Variants in IKBKB-DT observed in about 807,000 individuals in gnomAD.
The protein encoded by IKBKB-DT is IKBKB divergent transcript.
rs773177896 is a variant in IKBKB-DT at position 42,241,224 on chromosome 8, C to CTTTTTTTTTTTT, written n.1530-7377_1530-7366dup. Among the ~76,000 whole-genome samples, 102 of 45,690 alleles carry CTTTTTTTTTTTT rather than the reference C, an allele frequency of 2.2e-3. 38 individuals carry two copies. Among genetic ancestry groups the CTTTTTTTTTTTT allele is most frequent in the East Asian group, 8.9e-3 (6 of 674 alleles). The allele number at this position is 45,690 out of a possible 152,430, so 30.0% of individuals were successfully genotyped here. On this transcript the variant is annotated intron_variant and non_coding_transcript_variant, in intron 3 of 3. Coordinates refer to ENST00000518213, the Ensembl canonical transcript of IKBKB-DT. ...TTGATGCCTTTAGATATGTTGGAATCTTTTTTTTTTTTTTTTTTTTTTTTT... is the reference window on the plus strand; with the variant it reads ...TTGATGCCTTTAGATATGTTGGAATCTTTTTTTTTTTTTTTTTTTTTTTTTTTTTTTTTTTTT...
Position 42,271,057 on chromosome 8 carries a change from A to C in IKBKB-DT, n.197T>G, listed in dbSNP as rs1807614726. 3 of 266,436 alleles carry C rather than the reference A, an allele frequency of 1.1e-5. No homozygotes were observed. The South Asian group carries it at 1.2e-4, about 11-fold the overall frequency. 16.5% of individuals were successfully genotyped at this position (266,436 alleles called of 1,614,324 possible). A position where few individuals can be genotyped will look rare whatever the true frequency, so the allele number is the denominator to read the frequency against. ...CATACCCGGGCCCAGAAACCGCTCC[A>C]GGTGGAAGTAACTTGTCTAAAGAGA... On this transcript the variant is annotated non_coding_transcript_exon_variant, in exon 1 of 4. Coordinates refer to ENST00000518213, the Ensembl canonical transcript of IKBKB-DT.
At chr8:42,236,067 A>G (rs1216847256) in intron 3 of IKBKB-DT, among the ~76,000 whole-genome samples, 2 of 152,144 alleles carry the variant, frequency 1.3e-5, no homozygotes, top group African/African-American at 4.8e-5. Flanking sequence ...TAGAATTATG[A>G]CTGATAACAT....
exon 1 of IKBKB-DT, chr8:42,271,030 C>A: frequency 4.2e-6 from 1 of 237,930 alleles, no homozygotes; most frequent in Non-Finnish European, 8.4e-6. Flanking sequence ...TGAAGAAATC[C>A]CCATACCCGG....
chr8:42,240,715 G>C (rs1320487572), intron 3 of IKBKB-DT, among the ~76,000 whole-genome samples: 1 of 149,126 alleles, frequency 6.7e-6, no homozygotes, highest in Non-Finnish European at 1.5e-5. Flanking sequence ...TGTGGCTCAT[G>C]CCTGTAATCC....
intron 3 of IKBKB-DT, among the ~76,000 whole-genome samples, chr8:42,257,609 T>C (rs930463106): frequency 1.3e-5 from 2 of 151,890 alleles, no homozygotes; most frequent in African/African-American, 4.8e-5. Context: ...AAACACTTCA[T>C]GTAGAGTTTG....
chr8:42,255,647 T>C (rs940244271), intron 3 of IKBKB-DT: 2 of 152,214 alleles, frequency 1.3e-5, no homozygotes, highest in African/African-American at 4.8e-5. Flanking sequence ...TATTTGATAT[T>C]CCAGTCAACG....
intron 3 of IKBKB-DT, among the ~76,000 whole-genome samples, chr8:42,257,131 T>G (rs1380650136): frequency 6.6e-6 from 1 of 152,224 alleles, no homozygotes; most frequent in African/African-American, 2.4e-5. Flanking sequence ...ATAAAGAAGC[T>G]TTAGTATCAC....
intron 1 of IKBKB-DT, among the ~76,000 whole-genome samples, chr8:42,266,827 A>G (rs1807376692): frequency 6.6e-6 from 1 of 152,104 alleles, no homozygotes; most frequent in Admixed American, 6.6e-5. Context: ...ATGCCATGGC[A>G]ACATCAGGAA....
chr8:42,264,354 C>G (rs1807338605), intron 2 of IKBKB-DT, among the ~76,000 whole-genome samples: 1 of 151,806 alleles, frequency 6.6e-6, no homozygotes, highest in African/African-American at 2.4e-5. Context: ...TGGGGTCTCC[C>G]TATATTGCCC....
rs1208809199 is a variant in IKBKB-DT at position 42,240,624 on chromosome 8, C to CAAAAAAAA, written n.1530-6773_1530-6766dup. Among the ~76,000 whole-genome samples, 17 of 26,404 alleles carry CAAAAAAAA rather than the reference C, an allele frequency of 6.4e-4. 2 individuals are homozygous for CAAAAAAAA. Among genetic ancestry groups the CAAAAAAAA allele is most frequent in the African/African-American group, 1.9e-3 (11 of 5,708 alleles). 17.3% of individuals were successfully genotyped at this position (26,404 alleles called of 152,430 possible). The stretch of plus-strand genomic sequence containing the variant: ...TGAGCGACAGAGCAAGACTCAGTCT[C>CAAAAAAAA]AAAAAAAAAAAAAAAAAAAAAAAAA... On this transcript the variant is annotated intron_variant and non_coding_transcript_variant, in intron 3 of 3. Transcript: ENST00000518213.
intron 3 of IKBKB-DT, among the ~76,000 whole-genome samples, chr8:42,261,365 A>T (rs1807286996): frequency 6.6e-6 from 1 of 152,104 alleles, no homozygotes; most frequent in Non-Finnish European, 1.5e-5. Flanking sequence ...GAGGAATGCA[A>T]GCCCCTTTAA....
At chr8:42,266,609 A>G (rs1563279623) in intron 1 of IKBKB-DT, among the ~76,000 whole-genome samples, 3 of 152,180 alleles carry the variant, frequency 2.0e-5, no homozygotes, top group African/African-American at 7.2e-5. Context: ...GCTGAGACCT[A>G]CTGGGCTGCA....
At chr8:42,242,320 C>T (rs567572484) in intron 3 of IKBKB-DT, among the ~76,000 whole-genome samples, 1 of 152,210 alleles carries the variant, frequency 6.6e-6, no homozygotes. Flanking sequence ...AGATTCCTAG[C>T]ATTGAAAAAT....
chr8:42,248,077 A>G (rs1807084119), intron 3 of IKBKB-DT, among the ~76,000 whole-genome samples: 1 of 150,764 alleles, frequency 6.6e-6, no homozygotes, highest in Non-Finnish European at 1.5e-5. Context: ...TGGGCGACAG[A>G]GCAAGACTCC....
At chr8:42,247,549 C>G (rs961194668) in intron 3 of IKBKB-DT, among the ~76,000 whole-genome samples, 1 of 152,008 alleles carries the variant, frequency 6.6e-6, no homozygotes, top group South Asian at 2.1e-4. Flanking sequence ...GGTTTTGAAA[C>G]GTGAAAGGGC....
chr8:42,253,545 T>C (rs1169710207), intron 3 of IKBKB-DT, among the ~76,000 whole-genome samples: 2 of 152,130 alleles, frequency 1.3e-5, no homozygotes, highest in African/African-American at 4.8e-5. Flanking sequence ...TAACCAGATA[T>C]TGGAGGAAAC....
At chr8:42,244,550 A>AT (rs538004983) in intron 3 of IKBKB-DT, among the ~76,000 whole-genome samples, 9 of 151,722 alleles carry the variant, frequency 5.9e-5, no homozygotes, top group Middle Eastern at 3.2e-3. Flanking sequence ...AAGCAATTGA[A>AT]TTTTTTTTTA....
At chr8:42,262,549 C>G (rs1406269752) in intron 3 of IKBKB-DT, among the ~76,000 whole-genome samples, 1 of 152,008 alleles carries the variant, frequency 6.6e-6, no homozygotes, top group East Asian at 1.9e-4. Flanking sequence ...ACGCCATTCT[C>G]CTGCCTCAGC....
rs566392710 is a variant in IKBKB-DT at position 42,243,916 on chromosome 8, C to A, written n.1530-10057G>T. On this transcript the variant is annotated intron_variant and non_coding_transcript_variant, in intron 3 of 3. Transcript: ENST00000518213. Reference sequence around the variant, plus strand: ...GGAAAAATTAGAATATAGGTAGAAACTGGCTGAACTCAGATGATGTAGGAT... The same window carrying A: ...GGAAAAATTAGAATATAGGTAGAAAATGGCTGAACTCAGATGATGTAGGAT... Among the ~76,000 whole-genome samples the A allele has an allele frequency of 6.6e-5, 10 of 152,250 alleles. No individual in the cohort carries two copies. In the South Asian group the frequency reaches 1.7e-3, roughly 25 times the overall value.
Sources: gnomAD v4.1 joint callset for allele counts (sites outside exome capture counted in the v4.1 genomes callset) on GRCh38, gnomAD v4.1.1 for gene constraint, MANE v1.5 for transcripts, NCBI Gene and HGNC (gene_info 2026-07-23, HGNC 2026-07-21) for gene names.